FNIP2: variants seen among roughly 807,000 people sequenced by gnomAD.
The protein encoded by FNIP2 is folliculin interacting protein 2.
In FNIP2, 32 loss-of-function variants were observed where a neutral mutation model predicts 108.7. The observed-to-expected ratio is 0.29, with a 90% CI of 0.22 to 0.40. FNIP2 has a LOEUF of 0.40. Ranked by LOEUF, FNIP2 falls within the 10% of genes least tolerant of loss-of-function variation. The pLI, the probability that FNIP2 is intolerant of heterozygous loss-of-function variation, is 1.00. For synonymous variants in FNIP2, 480 were observed against 496.7 expected (o/e 0.97, Z 0.45); for missense variants, 1,202 against 1,381.6 (o/e 0.87, Z 2.06).
chr4:158,784,848 A>G (rs1472813922), intron 1 of FNIP2, among the ~76,000 whole-genome samples: 1 of 152,032 alleles, frequency 6.6e-6, no homozygotes, highest in Non-Finnish European at 1.5e-5. Context: ...TCCCTGCTCT[A>G]ATTCTTCTTA....
chr4:158,806,383 G>A (rs1311417139), intron 1 of FNIP2: 21 of 1,289,226 alleles, frequency 1.6e-5, no homozygotes, highest in Admixed American at 2.3e-5. Flanking sequence ...AAAACACACC[G>A]GAGTAGACAG....
At chr4:158,779,505 A>G (rs911912369) in intron 1 of FNIP2, among the ~76,000 whole-genome samples, 5 of 152,106 alleles carry the variant, frequency 3.3e-5, no homozygotes, top group African/African-American at 4.8e-5. Context: ...AAAACAGAAA[A>G]ATAATAAAGA....
At chr4:158,888,242 G>T (rs1478301319) in intron 14 of FNIP2, among the ~76,000 whole-genome samples, 4 of 152,206 alleles carry the variant, frequency 2.6e-5, no homozygotes, top group Non-Finnish European at 5.9e-5. Context: ...TGTGTGTTAT[G>T]TATTTAGTAG....
At chr4:158,813,304 A>G (rs1183454769) in intron 1 of FNIP2, among the ~76,000 whole-genome samples, 3 of 152,328 alleles carry the variant, frequency 2.0e-5, no homozygotes, top group East Asian at 3.9e-4. Flanking sequence ...ACCACCAGCA[A>G]TGGGTGAGAG....
intron 14 of FNIP2, among the ~76,000 whole-genome samples, chr4:158,887,423 G>A (rs1256319846): frequency 2.6e-5 from 4 of 152,114 alleles, no homozygotes; most frequent in African/African-American, 7.2e-5. Flanking sequence ...TGTTTATTGT[G>A]GTTCTATAGA....
intron 15 of FNIP2, among the ~76,000 whole-genome samples, chr4:158,893,902 G>C (rs915678857): frequency 2.0e-5 from 3 of 152,112 alleles, no homozygotes; most frequent in Admixed American, 2.0e-4. Context: ...GCACTTACTA[G>C]TGTGAATGAC....
chr4:158,801,202 T>C (rs1578836767), intron 1 of FNIP2, among the ~76,000 whole-genome samples: 2 of 151,982 alleles, frequency 1.3e-5, no homozygotes, highest in Middle Eastern at 3.4e-3. Context: ...GGGGAGGCGG[T>C]AGGGGCCGGT....
chr4:158,889,619 A>T lies in FNIP2; in HGVS notation c.2950-1827A>T, dbSNP rs575274791. On this transcript the variant is annotated intron_variant, in intron 14 of 16. Coordinates refer to ENST00000264433, the MANE Select transcript of FNIP2 (RefSeq NM_020840.3). Reference sequence around the variant, plus strand: ...TTGCCCTTTGCAAAAGCTAGAATTCACTGTGAAAGGTGACAGGCATACGTT... The same window carrying T: ...TTGCCCTTTGCAAAAGCTAGAATTCTCTGTGAAAGGTGACAGGCATACGTT... Among the ~76,000 whole-genome samples, 5 of 152,246 alleles carry T rather than the reference A, an allele frequency of 3.3e-5. No homozygotes were observed. In the South Asian group the frequency reaches 8.3e-4, roughly 25 times the overall value.
chr4:158,769,268 C>G lies in FNIP2; in HGVS notation c.56C>G (p.Ser19Cys). Residue 19 changes from serine to cysteine, a missense_variant, in exon 1 of 17, where the codon TCC (serine) becomes TGC (cysteine). Around this residue, in one of 5 missense-constraint regions of FNIP2, gnomAD observed 173 missense variants for 165.9 expected, o/e 1.04. Transcript: ENST00000264433. ...LFNKRGSSGS[S>C]AAASAQGRAP... Reference sequence around the variant, plus strand: ...AACAAAAGGGGCAGCAGCGGCAGCTCCGCGGCGGCGTCTGCCCAGGGCAGG... The same window carrying G: ...AACAAAAGGGGCAGCAGCGGCAGCTGCGCGGCGGCGTCTGCCCAGGGCAGG... 6.5e-7 allele frequency: 1 copy of G among 1,542,560 alleles called. No homozygotes were observed. Among genetic ancestry groups the G allele is most frequent in the Non-Finnish European group, 8.7e-7 (1 of 1,148,760 alleles).
chr4:158,858,952 T>C (rs1780137660), intron 8 of FNIP2, 105 bp from the exon 9 acceptor site: 1 of 867,856 alleles, frequency 1.2e-6, no homozygotes, highest in South Asian at 1.7e-5. Flanking sequence ...AGAGATACTC[T>C]TAGTTATGAC....
At position 158,890,029 on chromosome 4, in the gene FNIP2, G is replaced by A. The variant is rs545780204; in HGVS notation, c.2950-1417G>A. 124 of 985,176 alleles carry A rather than the reference G, an allele frequency of 1.3e-4. 1 individual carries two copies. The South Asian group carries it at 5.3e-3, about 42-fold the overall frequency. The allele number at this position is 985,176 out of a possible 1,614,324, so 61.0% of individuals were successfully genotyped here. On this transcript the variant is annotated intron_variant, in intron 14 of 16. Coordinates refer to ENST00000264433, the MANE Select transcript of FNIP2 (RefSeq NM_020840.3). Reference sequence around the variant, plus strand: ...AACCTTTGGTTGAAAATGGTGATGGGGTCATTATGTGTGTAAGAAAATCTT... The same window carrying A: ...AACCTTTGGTTGAAAATGGTGATGGAGTCATTATGTGTGTAAGAAAATCTT...
chr4:158,891,522 C>A lies in FNIP2; in HGVS notation c.3026C>A (p.Ala1009Asp). Reference sequence around the variant, plus strand: ...ACGGATAAATGGAGTGTGCAGGTAGCTACAAGTCAGAGGAAAGTGACGGAC... The same window carrying A: ...ACGGATAAATGGAGTGTGCAGGTAGATACAAGTCAGAGGAAAGTGACGGAC... The part of the protein sequence containing the change: ...ADTDKWSVQV[A>D]TSQRKVTDNM... The change falls in exon 15 of 17, where the codon GCT becomes GAT. Residue 1009 changes from alanine (A) to aspartate (D), a missense_variant. Transcript: ENST00000264433. 6.2e-7 allele frequency: 1 copy of A among 1,610,436 alleles called. No homozygotes were observed. The highest frequency in any genetic ancestry group is 8.5e-7 in the Non-Finnish European group (1 of 1,178,314).
rs768174696 is a variant in FNIP2, at chr4:158,833,525, T to C, written c.555-3T>C. The C allele has an allele frequency of 6.3e-7, 1 of 1,577,942 alleles. No homozygotes were observed. Among genetic ancestry groups the C allele is most frequent in the East Asian group, 2.2e-5 (1 of 44,698 alleles). ...TCCTTTTCCCCCCCATCTCCGGATA[T>C]AGCTTGCAAGACAGCTTTGAGTACA... is the stretch of plus-strand genomic sequence containing the variant. On this transcript the variant is annotated splice_polypyrimidine_tract_variant and splice_region_variant and intron_variant, in intron 5 of 16. Coordinates refer to ENST00000264433, the MANE Select transcript of FNIP2 (RefSeq NM_020840.3).
intron 1 of FNIP2, among the ~76,000 whole-genome samples, chr4:158,822,539 C>T (rs1361191223): frequency 2.6e-5 from 4 of 152,154 alleles, no homozygotes; most frequent in Non-Finnish European, 5.9e-5. Context: ...TCACCAAGAC[C>T]AGAGTCGGAG....
At chr4:158,848,854 A>G (rs1384352750) in intron 7 of FNIP2, among the ~76,000 whole-genome samples, 1 of 152,228 alleles carries the variant, frequency 6.6e-6, no homozygotes, top group Admixed American at 6.5e-5. Context: ...TCAAAATTTT[A>G]TATGGCATGG....
chr4:158,835,031 A>G (rs1483394153), intron 6 of FNIP2: 2 of 156,460 alleles, frequency 1.3e-5, no homozygotes, highest in Non-Finnish European at 2.8e-5. Flanking sequence ...TTTGAAATAC[A>G]TTGCTATTTA....
At chr4:158,820,088 A>G (rs1384135977) in intron 1 of FNIP2, among the ~76,000 whole-genome samples, 4 of 152,102 alleles carry the variant, frequency 2.6e-5, no homozygotes, top group African/African-American at 7.2e-5. Context: ...TGTCATCATT[A>G]TTGTTTGTTT....
chr4:158,887,862 G>A (rs1352665288), intron 14 of FNIP2, among the ~76,000 whole-genome samples: 2 of 151,404 alleles, frequency 1.3e-5, no homozygotes, highest in African/African-American at 4.9e-5. Context: ...TTTAAATTCT[G>A]AAAACTTAGA....
chr4:158,829,684 A>G (rs1387440548), intron 3 of FNIP2, among the ~76,000 whole-genome samples: 1 of 151,532 alleles, frequency 6.6e-6, no homozygotes, highest in Non-Finnish European at 1.5e-5. Context: ...TAAAAGGCTG[A>G]TGGCATTTTT....
Sources: allele counts gnomAD v4.1 joint callset (sites outside exome capture counted in the v4.1 genomes callset), GRCh38; gene constraint gnomAD v4.1.1; regional missense constraint gnomAD v4.1.1; transcripts MANE v1.5; gene names NCBI Gene and HGNC (gene_info 2026-07-23, HGNC 2026-07-21).